RBFOX1: variants seen among roughly 807,000 people sequenced by gnomAD.
The protein encoded by RBFOX1 is RNA binding protein fox-1 homolog 1.
Under a neutral mutation model 57.7 loss-of-function variants are expected in RBFOX1, and 8 were observed. That is an observed-to-expected ratio of 0.14 (90% confidence interval 0.08 to 0.25). The LOEUF (loss-of-function observed/expected upper bound fraction) is 0.25. RBFOX1 is among the 10% of genes least tolerant of loss of function. The pLI is 1.00. For missense variants in RBFOX1, 611 were observed against 548.5 expected (o/e 1.11, Z -1.14); for synonymous variants, 326 against 222.4 (o/e 1.47, Z -4.15).
At chr16:6,532,279 G>T (rs1314419396) in intron 2 of RBFOX1, among the ~76,000 whole-genome samples, 1 of 152,080 alleles carries the variant, frequency 6.6e-6, no homozygotes, top group Non-Finnish European at 1.5e-5. Flanking sequence ...CTTCTCTTGG[G>T]TACTCTTAGG....
At chr16:5,570,899 TAGAGA>T (rs2046260495) in intron 2 of RBFOX1, among the ~76,000 whole-genome samples, 1 of 152,088 alleles carries the variant, frequency 6.6e-6, no homozygotes, top group Non-Finnish European at 1.5e-5. Flanking sequence ...TGGAGATCTT[TAGAGA>T]AATAAGACAG....
intron 3 of RBFOX1, among the ~76,000 whole-genome samples, chr16:6,884,057 A>G (rs1043138569): frequency 1.3e-5 from 2 of 152,180 alleles, no homozygotes; most frequent in African/African-American, 4.8e-5. Flanking sequence ...TTAAGCATCC[A>G]CTGCAGAGCG....
At chr16:6,761,381 G>A (rs572240348) in intron 3 of RBFOX1, among the ~76,000 whole-genome samples, 5 of 151,390 alleles carry the variant, frequency 3.3e-5, no homozygotes, top group Non-Finnish European at 7.4e-5. Flanking sequence ...TTTAGTCTTT[G>A]CATCTCTTAT....
chr16:6,497,043 A>T (rs42190), intron 2 of RBFOX1, among the ~76,000 whole-genome samples: 78,487 of 152,094 alleles, frequency 0.52, 20,411 homozygotes, highest in East Asian at 0.62. Context: ...GTTGGCTTAT[A>T]TGAGGCTCTC....
intron 4 of RBFOX1, among the ~76,000 whole-genome samples, chr16:7,262,368 C>G (rs2094952032): frequency 6.6e-6 from 1 of 151,886 alleles, no homozygotes; most frequent in African/African-American, 2.4e-5. Context: ...GAAAGTTTCA[C>G]TTTGTTTTCC....
chr16:6,571,231 G>C (rs11863458), intron 2 of RBFOX1, among the ~76,000 whole-genome samples: 5,180 of 152,258 alleles, frequency 0.034, 299 homozygotes, highest in African/African-American at 0.12. Flanking sequence ...AGAGGCTCTT[G>C]CCGTTGATAA....
chr16:7,195,959 C>G (rs530343775), intron 4 of RBFOX1, among the ~76,000 whole-genome samples: 38 of 152,132 alleles, frequency 2.5e-4, no homozygotes, highest in Admixed American at 2.2e-3. Flanking sequence ...TCTCTACTGC[C>G]ACACTGCTAT....
chr16:7,202,374 G>A (rs1267931274), intron 4 of RBFOX1, among the ~76,000 whole-genome samples: 1 of 151,776 alleles, frequency 6.6e-6, no homozygotes, highest in Non-Finnish European at 1.5e-5. Context: ...TACGCCCTGT[G>A]GGTAGGAAGG....
chr16:5,575,866 T>C (rs997375466), intron 2 of RBFOX1, among the ~76,000 whole-genome samples: 2 of 149,564 alleles, frequency 1.3e-5, no homozygotes, highest in Non-Finnish European at 3.0e-5. Context: ...AAAAATAGCA[T>C]CAAAAGCTGG....
At chr16:7,700,835 T>G (rs952124514) in intron 14 of RBFOX1, among the ~76,000 whole-genome samples, 4 of 151,830 alleles carry the variant, frequency 2.6e-5, no homozygotes, top group Non-Finnish European at 5.9e-5. Context: ...GTTTTCAGAA[T>G]AGGAAGAGGT....
At chr16:7,098,043 A>G (rs1465763508) in intron 4 of RBFOX1, among the ~76,000 whole-genome samples, 1 of 152,230 alleles carries the variant, frequency 6.6e-6, no homozygotes, top group Non-Finnish European at 1.5e-5. Context: ...GTATTCAAGT[A>G]AAGCCAGTGT....
intron 1 of RBFOX1, among the ~76,000 whole-genome samples, chr16:6,300,406 A>G (rs961525694): frequency 6.6e-6 from 1 of 152,214 alleles, no homozygotes; most frequent in Non-Finnish European, 1.5e-5. Flanking sequence ...ACATATTTCA[A>G]AACATCATGT....
chr16:6,897,529 C>T (rs981960638), intron 3 of RBFOX1, among the ~76,000 whole-genome samples: 4 of 152,216 alleles, frequency 2.6e-5, no homozygotes, highest in African/African-American at 9.6e-5. Context: ...TGCAGTGGCT[C>T]ACGCCTGTAA....
At chr16:5,403,850 G>C (rs1188947680) in intron 1 of RBFOX1, among the ~76,000 whole-genome samples, 1 of 152,122 alleles carries the variant, frequency 6.6e-6, no homozygotes, top group Non-Finnish European at 1.5e-5. Context: ...GCAGTTTCAA[G>C]AACATGGAGA....
At chr16:6,154,185 G>A (rs924907639) in intron 1 of RBFOX1, among the ~76,000 whole-genome samples, 6 of 152,152 alleles carry the variant, frequency 3.9e-5, no homozygotes, top group Admixed American at 6.5e-5. Context: ...TCTCAGCCTG[G>A]ACTTGGTCAT....
chr16:5,405,482 T>TG (rs1357400978), intron 1 of RBFOX1, among the ~76,000 whole-genome samples: 15 of 152,232 alleles, frequency 9.9e-5, no homozygotes, highest in African/African-American at 3.4e-4. Flanking sequence ...CCCAGCCATG[T>TG]GGAACTGTGA....
chr16:7,314,992 C>G (rs562146854), intron 4 of RBFOX1, among the ~76,000 whole-genome samples: 3 of 152,102 alleles, frequency 2.0e-5, no homozygotes, highest in Non-Finnish European at 2.9e-5. Context: ...TTAACCTCCG[C>G]TTTTATTTTT....
intron 1 of RBFOX1, among the ~76,000 whole-genome samples, chr16:5,346,621 C>T (rs1408884431): frequency 1.3e-5 from 2 of 152,218 alleles, no homozygotes; most frequent in African/African-American, 4.8e-5. Context: ...CTTGTCTTAT[C>T]CCCTCCTGGG....
At position 6,755,910 on chromosome 16, in the gene RBFOX1, T is replaced by C. The variant is rs190383296; in HGVS notation, c.-16+101260T>C. 1.9e-4 allele frequency among the ~76,000 whole-genome samples: 29 copies of C among 152,282 alleles called. 1 individual carries two copies. The East Asian group carries it at 5.0e-3, about 26-fold the overall frequency. The stretch of plus-strand genomic sequence containing the variant: ...GCTGAAAACTGCAGCAGATGCACTT[T>C]TTCCATGTAGAAACATCCTGTGTGT... On this transcript the variant is annotated intron_variant, in intron 3 of 15. Transcript: ENST00000550418.
Sources: allele counts gnomAD v4.1 joint callset (sites outside exome capture counted in the v4.1 genomes callset), GRCh38; gene constraint gnomAD v4.1.1; transcripts MANE v1.5; gene names NCBI Gene and HGNC (gene_info 2026-07-23, HGNC 2026-07-21).